Variants in TNRC6B observed in about 807,000 individuals in gnomAD.
TNRC6B encodes trinucleotide repeat containing adaptor 6B.
TNRC6B carries 52 observed loss-of-function variants against 203.6 expected under a neutral mutation model. That is an observed-to-expected ratio of 0.26 (90% CI 0.20 to 0.32). The LOEUF (loss-of-function observed/expected upper bound fraction) is 0.32, where lower values mean the gene tolerates loss of function less well. Among genes scored for constraint, TNRC6B ranks in the 10% least tolerant of loss-of-function variants. TNRC6B has a pLI of 1.00. For synonymous variants in TNRC6B, 838 were observed against 845.7 expected (o/e 0.99, Z 0.16); for missense variants, 1,923 against 2,286.2 (o/e 0.84, Z 3.24).
intron 1 of TNRC6B, among the ~76,000 whole-genome samples, chr22:40,225,754 AAAAAAAAAAAAAAG>A (rs1345806206): frequency 2.6e-5 from 4 of 151,264 alleles, no homozygotes; most frequent in Non-Finnish European, 5.9e-5. Context: ...AAAAAAAAAA[AAAAAAAAAAAAAAG>A]AAGGAGAAGA....
At chr22:40,095,568 A>G (rs2068180683) in intron 1 of TNRC6B, among the ~76,000 whole-genome samples, 1 of 151,982 alleles carries the variant, frequency 6.6e-6, no homozygotes, top group South Asian at 2.1e-4. Context: ...CACAATTGCC[A>G]TGATTACGAT....
chr22:40,278,163 C>T (rs2070673582), intron 9 of TNRC6B, 119 bp downstream of exon 9: 8 of 789,574 alleles, frequency 1.0e-5, no homozygotes, highest in Admixed American at 4.1e-5. Context: ...TGAGCACTTA[C>T]TCTTTGTAAG....
chr22:40,144,862 A>G (rs2068677346), intron 3 of TNRC6B, among the ~76,000 whole-genome samples: 1 of 151,956 alleles, frequency 6.6e-6, no homozygotes. Context: ...GGGAAGGGGC[A>G]TGTAGAAGTT....
At chr22:40,274,826 A>G (rs1208233085) in intron 7 of TNRC6B, among the ~76,000 whole-genome samples, 1 of 152,140 alleles carries the variant, frequency 6.6e-6, no homozygotes, top group African/African-American at 2.4e-5. Flanking sequence ...TTGGTTTTCA[A>G]TCTAGAACAG....
chr22:40,242,677 G>T (rs372514927), intron 1 of TNRC6B, among the ~76,000 whole-genome samples: 1 of 151,966 alleles, frequency 6.6e-6, no homozygotes, highest in Non-Finnish European at 1.5e-5. Context: ...TGATCCACCC[G>T]CCTTGGCCTC....
At chr22:40,303,857 G>A (rs1422361908) in intron 15 of TNRC6B, among the ~76,000 whole-genome samples, 1 of 152,222 alleles carries the variant, frequency 6.6e-6, no homozygotes, top group Non-Finnish European at 1.5e-5. Context: ...GTTGCAGTGA[G>A]CTGAGATCAT....
chr22:40,230,674 T>C (rs1277139373), intron 1 of TNRC6B, among the ~76,000 whole-genome samples: 1 of 152,182 alleles, frequency 6.6e-6, no homozygotes, highest in Non-Finnish European at 1.5e-5. Context: ...CAGATAACTT[T>C]TTCTCAGTCT....
intron 3 of TNRC6B, among the ~76,000 whole-genome samples, chr22:40,154,162 T>A (rs1240252544): frequency 3.9e-5 from 6 of 152,122 alleles, no homozygotes. Context: ...TTTCTTTATA[T>A]CTTTAAATAT....
intron 1 of TNRC6B, among the ~76,000 whole-genome samples, chr22:40,209,391 ACCTTTATCT>A (rs2069528558): frequency 6.6e-6 from 1 of 152,144 alleles, no homozygotes; most frequent in Non-Finnish European, 1.5e-5. Context: ...AAAGGCCCAA[ACCTTTATCT>A]CACCATAAGA....
At chr22:40,259,101 C>T (rs1412452408) in intron 3 of TNRC6B, among the ~76,000 whole-genome samples, 2 of 152,128 alleles carry the variant, frequency 1.3e-5, no homozygotes, top group Admixed American at 6.6e-5. Context: ...ATTGCGAATG[C>T]CCTGTGCTAT....
At chr22:40,271,884 C>G (rs2070568146) in intron 6 of TNRC6B, among the ~76,000 whole-genome samples, 1 of 152,212 alleles carries the variant, frequency 6.6e-6, no homozygotes, top group Non-Finnish European at 1.5e-5. Flanking sequence ...GACAGTTACC[C>G]TGTGATCTTC....
intron 1 of TNRC6B, among the ~76,000 whole-genome samples, chr22:40,063,729 G>T (rs1054864369): frequency 1.3e-5 from 2 of 151,200 alleles, no homozygotes; most frequent in Non-Finnish European, 2.9e-5. Flanking sequence ...TTGAGACAGG[G>T]TCTCACTCTG....
chr22:40,231,604 G>A (rs148125811), intron 1 of TNRC6B, among the ~76,000 whole-genome samples: 31 of 152,042 alleles, frequency 2.0e-4, no homozygotes, highest in African/African-American at 6.0e-4. Flanking sequence ...CTTGTATTTT[G>A]CAGCCTTGTT....
intron 15 of TNRC6B, among the ~76,000 whole-genome samples, chr22:40,308,034 C>T (rs1363578179): frequency 6.6e-6 from 1 of 152,150 alleles, no homozygotes; most frequent in Non-Finnish European, 1.5e-5. Flanking sequence ...ACTTGATTAT[C>T]AAGAGTCAGA....
At chr22:40,124,023 G>T (rs2146322922) in intron 2 of TNRC6B, among the ~76,000 whole-genome samples, 1 of 151,826 alleles carries the variant, frequency 6.6e-6, no homozygotes, top group African/African-American at 2.4e-5. Context: ...TGTTGATTAA[G>T]CTGGGAGCAA....
chr22:40,318,482 G>A (rs554499294), intron 21 of TNRC6B, among the ~76,000 whole-genome samples: 2 of 152,268 alleles, frequency 1.3e-5, no homozygotes, highest in South Asian at 2.1e-4. Flanking sequence ...GGGAGGCGGA[G>A]CTTGGAGTGA....
rs760630476 is a variant in TNRC6B at position 40,308,616 on chromosome 22, G to A, written c.4225G>A (p.Val1409Ile). ...WTSMMEGLPS[V>I]ATQEANMHKN... ...CTCCATGATGGAGGGGCTGCCCTCT[G>A]TAGCCACACAGGAAGCCAATATGCA... Residue 1409 changes from valine (V) to isoleucine (I), a missense_variant, in exon 16 of 23, where the codon GTA becomes ATA. By Grantham distance (29) the Val-to-Ile change is conservative. Transcript: ENST00000454349. 6.2e-7 allele frequency: 1 copy of A among 1,613,912 alleles called. No individual in the cohort carries two copies. The highest frequency in any genetic ancestry group is 1.1e-5 in the South Asian group (1 of 91,066).
chr22:40,170,854 T>C lies in TNRC6B; in HGVS notation c.113+14672T>C, dbSNP rs1285785282. 2.7e-5 allele frequency among the ~76,000 whole-genome samples: 3 copies of C among 109,380 alleles called. 1 individual carries two copies. The highest frequency in any genetic ancestry group is 1.2e-4 in the African/African-American group (3 of 24,144). The allele number at this position is 109,380 out of a possible 152,430, so 71.8% of individuals were successfully genotyped here. On this transcript the variant is annotated intron_variant, in intron 4 of 23. Transcript: ENST00000301923. ...ATACATATATGTACATATATGTGTGTATATATACATATATGTACATATATG... is the reference window on the plus strand; with the variant it reads ...ATACATATATGTACATATATGTGTGCATATATACATATATGTACATATATG...
intron 12 of TNRC6B, among the ~76,000 whole-genome samples, chr22:40,289,769 A>G (rs1450247890): frequency 6.6e-6 from 1 of 152,186 alleles, no homozygotes; most frequent in African/African-American, 2.4e-5. Flanking sequence ...TTGTGTCTTC[A>G]GCCCACATCA....
Sources: allele counts gnomAD v4.1 joint callset (sites outside exome capture counted in the v4.1 genomes callset), GRCh38; gene constraint gnomAD v4.1.1; transcripts MANE v1.5; gene names NCBI Gene and HGNC (gene_info 2026-07-23, HGNC 2026-07-21).